Variants in SLBP observed in about 807,000 individuals in gnomAD.
SLBP encodes the protein histone RNA hairpin-binding protein.
Under a neutral mutation model 39.2 loss-of-function variants are expected in SLBP, and 29 were observed. That is an observed-to-expected ratio of 0.74 (90% CI 0.55 to 1.01). SLBP has a LOEUF of 1.01. Among genes scored for constraint, SLBP ranks in the 50% least tolerant of loss-of-function variants. The probability of loss-of-function intolerance (pLI) is 0.00; values close to 1 mark genes in which losing one functional copy is unlikely to be tolerated. For missense variants in SLBP, 390 were observed against 350.2 expected, an observed-to-expected ratio of 1.11 and a Z score of -0.91; for synonymous variants, 129 against 118.7, an observed-to-expected ratio of 1.09 and a Z score of -0.57.
chr4:1,697,924 A>C (rs1345904246), intron 5 of SLBP, among the ~76,000 whole-genome samples: 1 of 152,140 alleles, frequency 6.6e-6, no homozygotes, highest in Non-Finnish European at 1.5e-5. Flanking sequence ...CCAGGAGTTC[A>C]AGACCAGCCT....
intron 5 of SLBP, 152 bp downstream of exon 5, chr4:1,699,412 A>T: frequency 1.7e-6 from 1 of 579,850 alleles, no homozygotes; most frequent in Non-Finnish European, 2.9e-6. Flanking sequence ...TCCATTCTTT[A>T]TTTACGTCAT....
At chr4:1,699,913 C>A in intron 4 of SLBP, 98 bp downstream of exon 4, 2 of 920,856 alleles carry the variant, frequency 2.2e-6, no homozygotes, top group Non-Finnish European at 3.4e-6. Flanking sequence ...TTAATAAATG[C>A]TACTGCGACA....
chr4:1,694,984 A>C, intron 6 of SLBP, 144 bp from the exon 7 acceptor site: 1 of 647,558 alleles, frequency 1.5e-6, no homozygotes, highest in South Asian at 1.7e-5. Context: ...GCTTTCAGTG[A>C]CTATTTGACA....
intron 2 of SLBP, among the ~76,000 whole-genome samples, chr4:1,707,331 C>T (rs185494395): frequency 4.4e-5 from 5 of 112,536 alleles, no homozygotes; most frequent in Non-Finnish European, 9.3e-5. Flanking sequence ...CATGGTGAAA[C>T]GCTGTCTCTA....
Position 1,696,005 on chromosome 4 carries a change from A to G in SLBP, c.629+197T>C, listed in dbSNP as rs151269642. On this transcript the variant is annotated intron_variant, in intron 6 of 7. Transcript: ENST00000489418. ...GACTTTGCTTGAAAAAATAAATTCAATCCAGGAAGCAAACTCTTCCTTCCA... is the reference window on the plus strand; with the variant it reads ...GACTTTGCTTGAAAAAATAAATTCAGTCCAGGAAGCAAACTCTTCCTTCCA... Among the ~76,000 whole-genome samples, 556 of 152,276 alleles carry G rather than the reference A, an allele frequency of 3.7e-3. 8 individuals carry two copies. Among genetic ancestry groups the G allele is most frequent in the African/African-American group, 0.013 (528 of 41,554 alleles).
At chr4:1,694,878 CTT>C (rs765568032) in intron 6 of SLBP, 38 bp from the exon 7 acceptor site, 2 of 1,443,510 alleles carry the variant, frequency 1.4e-6, no homozygotes, top group Non-Finnish European at 2.0e-6. Flanking sequence ...CAGGCACTAA[CTT>C]AACAAAGCCA....
At chr4:1,703,503 C>T in intron 3 of SLBP, 93 bp downstream of exon 3, 2 of 851,024 alleles carry the variant, frequency 2.4e-6, no homozygotes, top group East Asian at 4.9e-5. Flanking sequence ...GAGCCCAGAC[C>T]TTTGAAAACC....
chr4:1,710,340 C>T lies in SLBP; in HGVS notation c.176+1534G>A, dbSNP rs894094385. Among the ~76,000 whole-genome samples, 6 of 152,238 alleles carry T rather than the reference C, an allele frequency of 3.9e-5. 1 individual carries two copies. Among genetic ancestry groups the T allele is most frequent in the African/African-American group, 1.4e-4 (6 of 41,472 alleles). On this transcript the variant is annotated intron_variant, in intron 2 of 7. Transcript: ENST00000489418. ...TCACAACTTCCCATGCCTAGCTGCT[C>T]CAGCCCATCTTCTCTATCTTAGCAA... is the stretch of plus-strand genomic sequence containing the variant.
At chr4:1,706,243 A>G (rs900623310) in intron 2 of SLBP, among the ~76,000 whole-genome samples, 2 of 151,954 alleles carry the variant, frequency 1.3e-5, no homozygotes, top group Non-Finnish European at 2.9e-5. Flanking sequence ...CCGAAATTGC[A>G]CCACTGCTCC....
At chr4:1,694,710 C>T in intron 7 of SLBP, 64 bp downstream of exon 7, 1 of 1,170,956 alleles carries the variant, frequency 8.5e-7, no homozygotes, top group Non-Finnish European at 1.3e-6. Flanking sequence ...GTTTATAAGG[C>T]AGCATGTGTT....
At chr4:1,706,675 G>A (rs552204406) in intron 2 of SLBP, among the ~76,000 whole-genome samples, 15 of 151,922 alleles carry the variant, frequency 9.9e-5, no homozygotes, top group African/African-American at 3.4e-4. Context: ...GCGTGGCAGC[G>A]CGTGTCTGTA....
chr4:1,695,803 GCCTT>G (rs1331577343), intron 6 of SLBP, among the ~76,000 whole-genome samples: 1 of 149,768 alleles, frequency 6.7e-6, no homozygotes, highest in Non-Finnish European at 1.5e-5. Context: ...GAGAAAGAAA[GCCTT>G]CCTTCCTTAA....
chr4:1,707,969 C>T (rs1182827222), intron 2 of SLBP, among the ~76,000 whole-genome samples: 2 of 151,816 alleles, frequency 1.3e-5, no homozygotes, highest in Non-Finnish European at 2.9e-5. Flanking sequence ...ATCTCAGCTA[C>T]TCAGGAGGCT....
Position 1,712,228 on chromosome 4 carries a change from A to AGGC in SLBP, c.-43_-41dup, listed in dbSNP as rs943956159. 1.4e-5 allele frequency: 17 copies of AGGC among 1,217,006 alleles called. No homozygotes were observed. The highest frequency in any genetic ancestry group is 3.9e-5 in the Admixed American group (1 of 25,350). The allele number at this position is 1,217,006 out of a possible 1,614,324, so 75.4% of individuals were successfully genotyped here. On this transcript the variant is annotated 5_prime_UTR_variant, in exon 1 of 8. Coordinates refer to ENST00000489418, the MANE Select transcript of SLBP (RefSeq NM_006527.4). ...GGCGCGCAGCGCAGGGCCGAGGCTG[A>AGGC]GGCGGCGGCGGCGCGGGCAGAGAGC...
chr4:1,699,841 G>A, intron 4 of SLBP, 140 bp from the exon 5 acceptor site: 1 of 872,948 alleles, frequency 1.1e-6, no homozygotes. Context: ...ATAGTCCGGA[G>A]ACTGCATGTA....
chr4:1,711,222 A>G lies in SLBP; in HGVS notation c.176+652T>C, dbSNP rs567281635. 2.6e-5 allele frequency among the ~76,000 whole-genome samples: 4 copies of G among 151,816 alleles called. No individual in the cohort carries two copies. In the East Asian group the frequency reaches 7.8e-4, roughly 30 times the overall value. On this transcript the variant is annotated intron_variant, in intron 2 of 7. Transcript: ENST00000489418. ...AAGTCTCACAGGTCCTGCCTTCAGAAGCCTATCCCGAACCACGCATTTCCC... is the reference window on the plus strand; with the variant it reads ...AAGTCTCACAGGTCCTGCCTTCAGAGGCCTATCCCGAACCACGCATTTCCC...
Position 1,693,195 on chromosome 4 carries a change from A to AT in SLBP, c.*401dup, listed in dbSNP as rs1288572198. The AT allele has an allele frequency of 1.2e-5, 2 of 166,066 alleles. No homozygotes were observed. The highest frequency in any genetic ancestry group is 2.4e-5 in the African/African-American group (1 of 41,712). The allele number at this position is 166,066 out of a possible 1,614,324, so 10.3% of individuals were successfully genotyped here. A position where few individuals can be genotyped will look rare whatever the true frequency, so the allele number is the denominator to read the frequency against. ...GGTGTCTGAGAATACTTTGATGCCT[A>AT]TAAAAGTAGCTGACTCTCAATTGGT... On this transcript the variant is annotated 3_prime_UTR_variant, in exon 8 of 8. Transcript: ENST00000489418.
Position 1,693,272 on chromosome 4 carries a change from T to C in SLBP, c.*325A>G. On this transcript the variant is annotated 3_prime_UTR_variant, in exon 8 of 8. Transcript: ENST00000489418. ...AACAGTCCACCTGACAAGCAATAAC[T>C]GAAGATGCCTGTGGAAAACCAGTTA... The C allele has an allele frequency of 4.5e-6, 1 of 223,716 alleles. No homozygotes were observed. The highest frequency in any genetic ancestry group is 9.0e-6 in the Non-Finnish European group (1 of 111,408). The allele number at this position is 223,716 out of a possible 1,614,324, so 13.9% of individuals were successfully genotyped here. A position where few individuals can be genotyped will look rare whatever the true frequency, so the allele number is the denominator to read the frequency against.
Position 1,712,119 on chromosome 4 carries a change from C to T in SLBP, c.59+11G>A, listed in dbSNP as rs1395235708. 2 of 1,227,690 alleles carry T rather than the reference C, an allele frequency of 1.6e-6. No homozygotes were observed. The highest frequency in any genetic ancestry group is 1.0e-6 in the Non-Finnish European group (1 of 985,736). 76.0% of individuals were successfully genotyped at this position (1,227,690 alleles called of 1,614,324 possible). A position where few individuals can be genotyped will look rare whatever the true frequency, so the allele number is the denominator to read the frequency against. ...ACGCGCTCCCTCGCCCGCCGCGCAG[C>T]CCGGCCTCACCTGGCGTCACCGTCG... On this transcript the variant is annotated intron_variant, in intron 1 of 7. Coordinates refer to ENST00000489418, the MANE Select transcript of SLBP (RefSeq NM_006527.4).
Sources: gnomAD v4.1 joint callset for allele counts (sites outside exome capture counted in the v4.1 genomes callset) on GRCh38, gnomAD v4.1.1 for gene constraint, MANE v1.5 for transcripts, NCBI Gene and HGNC (gene_info 2026-07-23, HGNC 2026-07-21) for gene names.